PFKM: variants seen among roughly 807,000 people sequenced by gnomAD.
The protein encoded by PFKM is ATP-dependent 6-phosphofructokinase, muscle type.
Under a neutral mutation model 95.5 loss-of-function variants are expected in PFKM, and 58 were observed. The observed-to-expected ratio is 0.61, with a 90% CI of 0.49 to 0.76. The LOEUF is 0.76. Among genes scored for constraint, PFKM ranks in the 30% least tolerant of loss-of-function variants. The pLI is 0.00. For missense variants in PFKM, 678 were observed against 1,005.4 expected, an observed-to-expected ratio of 0.67 and a Z score of 4.40; for synonymous variants, 336 against 357.2, an observed-to-expected ratio of 0.94 and a Z score of 0.67.
chr12:48,141,821 C>T lies in PFKM; in HGVS notation c.1494C>T (p.Gly498=), dbSNP rs746026759. ...FNIQGLVIIG[G]FEAYTGGLEL... ...TTCAGGGCCTTGTCATCATTGGGGG[C>T]TTTGAGGTGAGTGCCTGCCACCATT... Residue 498 remains glycine, a synonymous_variant, in exon 16 of 23, where the codon GGC becomes GGT. Coordinates refer to ENST00000359794, the MANE Select transcript of PFKM (RefSeq NM_000289.6). The T allele has an allele frequency of 1.2e-6, 2 of 1,613,510 alleles. No homozygotes were observed. Among genetic ancestry groups the T allele is most frequent in the African/African-American group, 2.7e-5 (2 of 74,896 alleles).
intron 3 of PFKM, among the ~76,000 whole-genome samples, chr12:48,114,347 A>C (rs1237950711): frequency 6.6e-6 from 1 of 152,196 alleles, no homozygotes; most frequent in African/African-American, 2.4e-5. Context: ...ATAGAGAAAA[A>C]GGCACATGTA....
At chr12:48,130,042 A>G (rs950439345) in intron 2 of PFKM, among the ~76,000 whole-genome samples, 1 of 152,192 alleles carries the variant, frequency 6.6e-6, no homozygotes, top group Non-Finnish European at 1.5e-5. Context: ...CTAGCCCACA[A>G]TACACATTCA....
Position 48,135,378 on chromosome 12 carries a change from A to T in PFKM, c.931A>T (p.Ile311Phe). ...RGGTPSAFDR[I>F]LGSRMGVEAV... ...TGGGACGCCATCAGCCTTTGACAGA[A>T]TTCTGGTAAGTCACTGGGCTGTGTG... Residue 311 changes from isoleucine to phenylalanine, a missense_variant, in exon 10 of 23, where the codon ATT (isoleucine) becomes TTT (phenylalanine). Coordinates refer to ENST00000359794, the MANE Select transcript of PFKM (RefSeq NM_000289.6). 1 of 1,612,338 alleles carries T rather than the reference A, an allele frequency of 6.2e-7. No homozygotes were observed.
intron 2 of PFKM, among the ~76,000 whole-genome samples, chr12:48,128,148 A>T (rs1949042693): frequency 6.6e-6 from 1 of 152,220 alleles, no homozygotes; most frequent in South Asian, 2.1e-4. Flanking sequence ...AAAAATTTTA[A>T]AGGAAATTGT....
chr12:48,134,133 C>T (rs1257103024), intron 6 of PFKM, 99 bp from the exon 7 acceptor site: 2 of 959,978 alleles, frequency 2.1e-6, no homozygotes, highest in African/African-American at 3.2e-5. Flanking sequence ...TGGCAGCATA[C>T]ATGTATCTCC....
upstream of PFKM, among the ~76,000 whole-genome samples, chr12:48,117,831 G>A (rs780637126): frequency 2.0e-5 from 3 of 152,138 alleles, no homozygotes; most frequent in Non-Finnish European, 4.4e-5. Flanking sequence ...TAAATTTTAG[G>A]GAGATATAAG....
In PFKM at chr12:48,119,385, G is replaced by C; in HGVS notation, c.-30G>C. 2 of 985,840 alleles carry C rather than the reference G, an allele frequency of 2.0e-6. No individual in the cohort carries two copies. The highest frequency in any genetic ancestry group is 2.4e-6 in the Non-Finnish European group (2 of 830,188). The allele number at this position is 985,840 out of a possible 1,614,324, so 61.1% of individuals were successfully genotyped here. On this transcript the variant is annotated 5_prime_UTR_variant, in exon 1 of 23. Transcript: ENST00000359794. The stretch of plus-strand genomic sequence containing the variant: ...GGACAATCTGCAAGAAAGCAGCGGC[G>C]GAGGAGAGCTAAGACTAAAAGGCAA...
At position 48,141,387 on chromosome 12, in the gene PFKM, T is replaced by C. The variant is rs1417385697; in HGVS notation, c.1412+6T>C. The C allele has an allele frequency of 1.2e-6, 2 of 1,612,530 alleles. No individual in the cohort carries two copies. Among genetic ancestry groups the C allele is most frequent in the Admixed American group, 1.7e-5 (1 of 60,002 alleles). On this transcript the variant is annotated splice_donor_region_variant and intron_variant, in intron 15 of 22. Coordinates refer to ENST00000359794, the MANE Select transcript of PFKM (RefSeq NM_000289.6). ...TCTAAACTTGGGACTAAAAGGTAAG[T>C]AGCACTGCAGAGGCACCTCCTCCCA...
intron 3 of PFKM, among the ~76,000 whole-genome samples, chr12:48,114,102 G>A (rs1214566612): frequency 1.3e-5 from 2 of 152,192 alleles, no homozygotes; most frequent in South Asian, 2.1e-4. Flanking sequence ...TCGCCTCAGG[G>A]AACTGCTCTA....
chr12:48,143,600 T>G (rs1197659201), intron 18 of PFKM, among the ~76,000 whole-genome samples, 153 bp from the exon 19 acceptor site: 2 of 152,222 alleles, frequency 1.3e-5, no homozygotes, highest in African/African-American at 2.4e-5. Context: ...ACACTGAGCT[T>G]CTTACAGGAA....
chr12:48,122,898 T>G, intron 2 of PFKM, 39 bp downstream of exon 2: 1 of 1,588,200 alleles, frequency 6.3e-7, no homozygotes. Context: ...TGGTGGGACT[T>G]TTGGAATTTA....
chr12:48,107,665 A>T (rs1225316592), intron 2 of PFKM, among the ~76,000 whole-genome samples: 3 of 152,218 alleles, frequency 2.0e-5, no homozygotes, highest in Non-Finnish European at 4.4e-5. Flanking sequence ...GATAGATGCC[A>T]GGCAGATAAG....
Position 48,141,731 on chromosome 12 carries a change from A to T in PFKM, c.1413-9A>T. The T allele has an allele frequency of 6.2e-7, 1 of 1,600,176 alleles. No homozygotes were observed. Among genetic ancestry groups the T allele is most frequent in the Non-Finnish European group, 8.6e-7 (1 of 1,167,374 alleles). On this transcript the variant is annotated splice_polypyrimidine_tract_variant and intron_variant, in intron 15 of 22. Coordinates refer to ENST00000359794, the MANE Select transcript of PFKM (RefSeq NM_000289.6). ...CCCCTTCCCCTCCCCGCCATCACTGATCAACTAGGACTCTACCCAAGAAGA... is the reference window on the plus strand; with the variant it reads ...CCCCTTCCCCTCCCCGCCATCACTGTTCAACTAGGACTCTACCCAAGAAGA...
At chr12:48,118,694 G>GC, upstream of PFKM, 1 of 664,078 alleles carries the variant, frequency 1.5e-6, no homozygotes, top group Non-Finnish European at 2.7e-6. Context: ...CCAGAATCCC[G>GC]CCCCCATCCC....
intron 20 of PFKM, 102 bp from the exon 21 acceptor site, chr12:48,144,929 G>A: frequency 2.3e-6 from 2 of 854,192 alleles, no homozygotes; most frequent in Non-Finnish European, 3.9e-6. Flanking sequence ...GTTTTGGGCT[G>A]TAAGCCTGGG....
chr12:48,105,441 A>T (rs764973545), upstream of PFKM: 2 of 519,062 alleles, frequency 3.9e-6, no homozygotes, highest in East Asian at 1.1e-4. Context: ...GTGGCAGTTA[A>T]GGGGATTTTC....
rs1255975599 is a variant in PFKM at position 48,145,040 on chromosome 12, C to T, written c.2002C>T (p.Pro668Ser). The change falls in exon 21 of 23, where the codon CCA (proline) becomes TCA (serine). Residue 668 changes from proline (P) to serine (S), a missense_variant. By Grantham distance (74) the Pro-to-Ser change is moderately conservative (BLOSUM62 -1). Coordinates refer to ENST00000359794, the MANE Select transcript of PFKM (RefSeq NM_000289.6). This position sits in a 1 kb window ranked among gnomAD's most constrained non-coding sequence, Gnocchi z 4.3. ...VLGHMQQGGS[P>S]TPFDRNFATK... ...ATGTTTCTTTCTCCAGGGTGGGAGC[C>T]CAACCCCATTTGATAGGAATTTTGC... is the stretch of plus-strand genomic sequence containing the variant. 2 of 1,612,918 alleles carry T rather than the reference C, an allele frequency of 1.2e-6. No homozygotes were observed. Among genetic ancestry groups the T allele is most frequent in the East Asian group, 4.5e-5 (2 of 44,880 alleles).
chr12:48,110,797 A>G (rs766509612), intron 3 of PFKM, among the ~76,000 whole-genome samples: 1 of 152,150 alleles, frequency 6.6e-6, no homozygotes, highest in Non-Finnish European at 1.5e-5. Context: ...CTATCAGTAT[A>G]AGCAGCTCTG....
chr12:48,107,506 C>A, intron 2 of PFKM: 1 of 1,216,434 alleles, frequency 8.2e-7, no homozygotes, highest in Non-Finnish European at 1.2e-6. Context: ...GGTTCTCTCA[C>A]AAGAAGTCTA....
Sources: gnomAD v4.1 joint callset for allele counts (sites outside exome capture counted in the v4.1 genomes callset) on GRCh38, gnomAD v4.1.1 for gene constraint, Gnocchi (gnomAD v3.1) non-coding constraint, MANE v1.5 for transcripts, NCBI Gene and HGNC (gene_info 2026-07-23, HGNC 2026-07-21) for gene names.